FGF14: variants seen among roughly 807,000 people sequenced by gnomAD.
FGF14 encodes fibroblast growth factor 14.
In FGF14, 5 loss-of-function variants were observed where a neutral mutation model predicts 25.5. That is an observed-to-expected ratio of 0.20 (90% CI 0.10 to 0.41). The LOEUF (loss-of-function observed/expected upper bound fraction) is 0.41. Among genes scored for constraint, FGF14 ranks in the 10% least tolerant of loss-of-function variants. FGF14 has a pLI of 1.00. For missense variants in FGF14, 222 were observed against 320.1 expected (o/e 0.69, Z 2.34); for synonymous variants, 138 against 118.3 (o/e 1.17, Z -1.08).
intron 3 of FGF14, among the ~76,000 whole-genome samples, chr13:101,828,453 A>G (rs1470435417): frequency 6.6e-6 from 1 of 151,170 alleles, no homozygotes; most frequent in Non-Finnish European, 1.5e-5. Context: ...ACTATTTCAA[A>G]TACTTTAAAA....
Position 101,721,873 on chromosome 13 carries a change from C to CAAAT in FGF14, c.*954_*957dup, listed in dbSNP as rs1263111016. 2.0e-5 allele frequency: 3 copies of CAAAT among 147,952 alleles called. No individual in the cohort carries two copies. Among genetic ancestry groups the CAAAT allele is most frequent in the Non-Finnish European group, 4.5e-5 (3 of 66,934 alleles). 9.2% of individuals were successfully genotyped at this position (147,952 alleles called of 1,614,324 possible). A position where few individuals can be genotyped will look rare whatever the true frequency, so the allele number is the denominator to read the frequency against. On this transcript the variant is annotated 3_prime_UTR_variant, in exon 5 of 5. Transcript: ENST00000376143. ...ACTGATTTTCCTTTTTTTTTTTTTCCAAATAATGAGAATTAATAGATGAAA... is the reference window on the plus strand; with the variant it reads ...ACTGATTTTCCTTTTTTTTTTTTTCCAAATAAATAATGAGAATTAATAGATGAAA...
At chr13:101,946,363 C>CAAAAAAAA (rs59866034) in intron 1 of FGF14, among the ~76,000 whole-genome samples, 1 of 91,950 alleles carries the variant, frequency 1.1e-5, no homozygotes, top group African/African-American at 3.6e-5. Flanking sequence ...GCTTCTCCAT[C>CAAAAAAAA]AAAAAAAAAA....
intron 1 of FGF14, among the ~76,000 whole-genome samples, chr13:101,938,260 C>A (rs2035230382): frequency 6.6e-6 from 1 of 152,036 alleles, no homozygotes; most frequent in Non-Finnish European, 1.5e-5. Flanking sequence ...TACATTTGAC[C>A]ATTTGCTTCA....
At chr13:102,057,264 C>T (rs951901005) in intron 1 of FGF14, among the ~76,000 whole-genome samples, 1 of 151,926 alleles carries the variant, frequency 6.6e-6, no homozygotes, top group Non-Finnish European at 1.5e-5. Flanking sequence ...TAGTACTTTG[C>T]TAAATTTTAG....
intron 1 of FGF14, among the ~76,000 whole-genome samples, chr13:102,323,528 G>A (rs2056318484): frequency 6.6e-6 from 1 of 152,154 alleles, no homozygotes; most frequent in Admixed American, 6.5e-5. Flanking sequence ...AAGATCAAAA[G>A]CTTATCTCAG....
At chr13:101,858,741 T>C (rs746664276) in intron 3 of FGF14, among the ~76,000 whole-genome samples, 1 of 152,140 alleles carries the variant, frequency 6.6e-6, no homozygotes, top group Non-Finnish European at 1.5e-5. Flanking sequence ...ACTTTCTTCT[T>C]TGACGCTGAA....
At chr13:102,078,449 AACTT>A (rs1165522181) in intron 1 of FGF14, among the ~76,000 whole-genome samples, 1 of 150,988 alleles carries the variant, frequency 6.6e-6, no homozygotes, top group Admixed American at 6.6e-5. Flanking sequence ...AAAAATAAAA[AACTT>A]ACAGTCTAGA....
chr13:101,945,393 G>A lies in FGF14; in HGVS notation c.209-70097C>T, dbSNP rs369248090. 2.6e-5 allele frequency among the ~76,000 whole-genome samples: 4 copies of A among 152,094 alleles called. No homozygotes were observed. In the South Asian group the frequency reaches 8.3e-4, roughly 32 times the overall value. ...TAAGAAAAAAATAATTGAATAAAAG[G>A]GCAAAAAATAATCCAAACACGTAAG... On this transcript the variant is annotated intron_variant, in intron 1 of 4. Transcript: ENST00000376131.
chr13:101,872,880 G>A (rs192643880), intron 2 of FGF14, among the ~76,000 whole-genome samples: 3 of 152,022 alleles, frequency 2.0e-5, no homozygotes, highest in Non-Finnish European at 2.9e-5. Flanking sequence ...CCTCGAGTGT[G>A]GGCATTATGA....
chr13:102,144,504 G>T (rs867097618), intron 1 of FGF14, among the ~76,000 whole-genome samples: 6 of 151,562 alleles, frequency 4.0e-5, no homozygotes, highest in Non-Finnish European at 7.4e-5. Context: ...TATTTATAAA[G>T]TAAATTATTG....
intron 3 of FGF14, among the ~76,000 whole-genome samples, chr13:101,749,167 G>A (rs1018302070): frequency 6.6e-6 from 1 of 152,072 alleles, no homozygotes; most frequent in Non-Finnish European, 1.5e-5. Context: ...AGGAGGAAAG[G>A]GAAGTTGTTT....
At chr13:101,780,245 G>T (rs915735376) in intron 3 of FGF14, among the ~76,000 whole-genome samples, 1 of 152,192 alleles carries the variant, frequency 6.6e-6, no homozygotes, top group Non-Finnish European at 1.5e-5. Flanking sequence ...GAAACAAGTT[G>T]TAAAATACTA....
At chr13:102,330,979 T>C (rs922987865) in intron 1 of FGF14, among the ~76,000 whole-genome samples, 2 of 152,218 alleles carry the variant, frequency 1.3e-5, no homozygotes, top group Non-Finnish European at 2.9e-5. Context: ...TATAGCATAG[T>C]GCTTAATTAA....
Position 102,178,206 on chromosome 13 carries a change from T to C in FGF14, c.208+223265A>G, listed in dbSNP as rs546361374. Among the ~76,000 whole-genome samples, 50 of 152,166 alleles carry C rather than the reference T, an allele frequency of 3.3e-4. 1 individual carries two copies. The highest frequency in any genetic ancestry group is 1.4e-3 in the Admixed American group (21 of 15,272). On this transcript the variant is annotated intron_variant, in intron 1 of 4. Transcript: ENST00000376131. Reference sequence around the variant, plus strand: ...CCTAAGCCACTGACAACAGTGGGAATTACAGAAACACCATTATGGCTCAGG... The same window carrying C: ...CCTAAGCCACTGACAACAGTGGGAACTACAGAAACACCATTATGGCTCAGG...
intron 3 of FGF14, among the ~76,000 whole-genome samples, chr13:101,860,034 C>T (rs990772627): frequency 4.6e-5 from 7 of 152,124 alleles, no homozygotes; most frequent in African/African-American, 1.4e-4. Context: ...CAATAGGATG[C>T]TCTTGTCATG....
At chr13:102,083,745 C>T (rs1437252705) in intron 1 of FGF14, among the ~76,000 whole-genome samples, 5 of 152,198 alleles carry the variant, frequency 3.3e-5, no homozygotes, top group South Asian at 2.1e-4. Context: ...AGCCAACTGC[C>T]GCGGGCACAC....
intron 1 of FGF14, among the ~76,000 whole-genome samples, chr13:101,968,814 A>C (rs2037402958): frequency 6.9e-6 from 1 of 145,714 alleles, no homozygotes; most frequent in Admixed American, 6.9e-5. Context: ...CTTTTAACTC[A>C]CTTTTCATTT....
chr13:101,922,935 A>G (rs1302502040), intron 1 of FGF14, among the ~76,000 whole-genome samples: 1 of 152,100 alleles, frequency 6.6e-6, no homozygotes, highest in Non-Finnish European at 1.5e-5. Context: ...TTCCAAATAA[A>G]AATCTATTAC....
intron 1 of FGF14, among the ~76,000 whole-genome samples, chr13:102,163,946 T>A (rs1336421064): frequency 6.6e-6 from 1 of 152,152 alleles, no homozygotes; most frequent in Non-Finnish European, 1.5e-5. Context: ...AAAACCTAAC[T>A]TAAAAATCTG....
Sources: allele counts gnomAD v4.1 joint callset (sites outside exome capture counted in the v4.1 genomes callset), GRCh38; gene constraint gnomAD v4.1.1; transcripts MANE v1.5; gene names NCBI Gene and HGNC (gene_info 2026-07-23, HGNC 2026-07-21).